Variants in PHYH observed in about 807,000 individuals in gnomAD.
PHYH encodes phytanoyl-CoA 2-hydroxylase.
PHYH carries 32 observed loss-of-function variants against 38.5 expected under a neutral mutation model. That is an observed-to-expected ratio of 0.83 (90% CI 0.63 to 1.12). The LOEUF (loss-of-function observed/expected upper bound fraction) is 1.12. Ranked by LOEUF, PHYH falls within the 50% of genes most tolerant of loss-of-function variation. The pLI is 0.00. For missense variants in PHYH, 426 were observed against 434.8 expected (o/e 0.98, Z 0.18); for synonymous variants, 166 against 157.9 (o/e 1.05, Z -0.38).
chr10:13,287,193 G>C (rs1835573318), intron 6 of PHYH, among the ~76,000 whole-genome samples: 1 of 151,918 alleles, frequency 6.6e-6, no homozygotes, highest in Non-Finnish European at 1.5e-5. Flanking sequence ...ACAAAAATTA[G>C]CTGGGTGTGG....
chr10:13,279,519 T>C (rs952035568), intron 8 of PHYH, among the ~76,000 whole-genome samples: 1 of 152,216 alleles, frequency 6.6e-6, no homozygotes, highest in Admixed American at 6.5e-5. Flanking sequence ...TTGACCTGAC[T>C]CTAAAATCAA....
Position 13,298,718 on chromosome 10 carries a change from C to CACTACTACTACTACTACTACTACTACT in PHYH, c.76-500_76-474dup, listed in dbSNP as rs56043624. 1.4e-4 allele frequency among the ~76,000 whole-genome samples: 13 copies of CACTACTACTACTACTACTACTACTACT among 93,438 alleles called. 1 individual carries two copies. Among genetic ancestry groups the CACTACTACTACTACTACTACTACTACT allele is most frequent in the African/African-American group, 4.2e-4 (11 of 26,178 alleles). The allele number at this position is 93,438 out of a possible 152,430, so 61.3% of individuals were successfully genotyped here. ...TCCATCTCAGAAAAAAAACTACCAC[C>CACTACTACTACTACTACTACTACTACT]ACTACTACTACTACTACTACTACTA... On this transcript the variant is annotated intron_variant, in intron 1 of 8. Transcript: ENST00000263038.
rs367805505 is a variant in PHYH, at chr10:13,278,259, G to C, written c.*42C>G. On this transcript the variant is annotated 3_prime_UTR_variant, in exon 9 of 9. Coordinates refer to ENST00000263038, the MANE Select transcript of PHYH (RefSeq NM_006214.4). The stretch of plus-strand genomic sequence containing the variant: ...AACATTTTCCTTAGACATTTCGTTT[G>C]GTTTTGGTTTTCTGTTGAAAGAGTT... 66 of 1,314,962 alleles carry C rather than the reference G, an allele frequency of 5.0e-5. No individual in the cohort carries two copies. In the African/African-American group the frequency reaches 9.2e-4, roughly 18 times the overall value. The allele number at this position is 1,314,962 out of a possible 1,614,324, so 81.5% of individuals were successfully genotyped here.
In PHYH at chr10:13,283,690, C is replaced by A. The variant is rs1462384559; in HGVS notation, c.828G>T (p.Lys276Asn). The A allele has an allele frequency of 6.2e-7, 1 of 1,613,936 alleles. No individual in the cohort carries two copies. The highest frequency in any genetic ancestry group is 8.5e-7 in the Non-Finnish European group (1 of 1,179,986). ...SGQNKTQGFRKAISCHFASAD... is the reference protein window; with the variant it reads ...SGQNKTQGFRNAISCHFASAD... Reference sequence around the variant, plus strand: ...CAGGTGCAGCAATGTGAATGCTTACCTTCCGGAATCCCTGGGTTTTATTCT... The same window carrying A: ...CAGGTGCAGCAATGTGAATGCTTACATTCCGGAATCCCTGGGTTTTATTCT... Residue 276 changes from lysine (K) to asparagine (N), a missense_variant and splice_region_variant, in exon 7 of 9, where the codon AAG (lysine) becomes AAT (asparagine). Coordinates refer to ENST00000263038, the MANE Select transcript of PHYH (RefSeq NM_006214.4).
In PHYH at chr10:13,278,322, T is replaced by C. The variant is rs1199120932; in HGVS notation, c.996A>G (p.Lys332=). 1 of 1,612,720 alleles carries C rather than the reference T, an allele frequency of 6.2e-7. No homozygotes were observed. Among genetic ancestry groups the C allele is most frequent in the Non-Finnish European group, 8.5e-7 (1 of 1,178,880 alleles). The part of the protein sequence containing the change: ...DIWMFRARLV[K]GERTNL ...TATTTCAAAGATTGGTTCTTTCTCC[T>C]TTCACAAGTCGAGCTCGAAACATCC... Residue 332 remains lysine (K), a synonymous_variant, in exon 9 of 9, where the codon AAA becomes AAG. Coordinates refer to ENST00000263038, the MANE Select transcript of PHYH (RefSeq NM_006214.4).
At chr10:13,289,557 T>A (rs1350115122) in intron 5 of PHYH, among the ~76,000 whole-genome samples, 2 of 152,122 alleles carry the variant, frequency 1.3e-5, no homozygotes, top group Admixed American at 6.5e-5. Flanking sequence ...TAATGCATGT[T>A]CAAAAACCAG....
intron 1 of PHYH, 120 bp downstream of exon 1, chr10:13,299,848 G>A (rs928512172): frequency 1.5e-6 from 2 of 1,330,438 alleles, no homozygotes; most frequent in Non-Finnish European, 1.9e-6. Flanking sequence ...GGCGCTGAGC[G>A]AGGAGGCGCT....
At chr10:13,283,669 T>G in intron 7 of PHYH, 21 bp downstream of exon 7, 1 of 1,613,082 alleles carries the variant, frequency 6.2e-7, no homozygotes. Flanking sequence ...CTGCAGCAGG[T>G]GCAGCAATGT....
intron 8 of PHYH, 152 bp from the exon 9 acceptor site, chr10:13,278,506 C>A: frequency 3.0e-6 from 2 of 667,034 alleles, no homozygotes; most frequent in Non-Finnish European, 2.7e-6. Flanking sequence ...CATTAGTAAA[C>A]AAAACAACTC....
chr10:13,289,795 G>T (rs994325574), intron 5 of PHYH, among the ~76,000 whole-genome samples: 31 of 151,316 alleles, frequency 2.0e-4, no homozygotes, highest in African/African-American at 7.5e-4. Flanking sequence ...ACTGGGCATG[G>T]TGGTGCACAC....
intron 2 of PHYH, among the ~76,000 whole-genome samples, chr10:13,297,737 C>T (rs563458857): frequency 4.7e-5 from 7 of 150,388 alleles, no homozygotes; most frequent in South Asian, 4.4e-4. Flanking sequence ...GCTGGGATTA[C>T]AGGCATGAGC....
intron 5 of PHYH, 88 bp downstream of exon 5, chr10:13,291,743 T>C (rs1047859748): frequency 1.2e-6 from 1 of 861,514 alleles, no homozygotes; most frequent in Admixed American, 1.9e-5. Context: ...TCTCCTAAAA[T>C]GCTGGGATTA....
At chr10:13,289,761 G>A (rs1035774660) in intron 5 of PHYH, among the ~76,000 whole-genome samples, 4 of 151,288 alleles carry the variant, frequency 2.6e-5, no homozygotes, top group African/African-American at 2.4e-5. Context: ...ATGAAACCTC[G>A]TCTCTACAAA....
At chr10:13,298,461 G>C (rs139422403) in intron 1 of PHYH, among the ~76,000 whole-genome samples, 3 of 151,972 alleles carry the variant, frequency 2.0e-5, no homozygotes, top group African/African-American at 4.8e-5. Flanking sequence ...AGCACTTTGG[G>C]AGGCCGAGGC....
At chr10:13,293,197 C>A (rs982152658) in intron 4 of PHYH, among the ~76,000 whole-genome samples, 2 of 152,234 alleles carry the variant, frequency 1.3e-5, no homozygotes, top group Middle Eastern at 3.4e-3. Context: ...TTTCTAAATG[C>A]CAGCCATTCA....
chr10:13,298,818 G>A (rs1832652851), intron 1 of PHYH, among the ~76,000 whole-genome samples: 1 of 147,574 alleles, frequency 6.8e-6, no homozygotes, highest in Non-Finnish European at 1.5e-5. Flanking sequence ...GGAGGCTGAG[G>A]CAGGGGAATG....
intron 4 of PHYH, 139 bp from the exon 5 acceptor site, chr10:13,292,051 C>T: frequency 1.5e-6 from 1 of 681,014 alleles, no homozygotes; most frequent in Non-Finnish European, 2.6e-6. Context: ...CACAACATTG[C>T]AAACAAAGCA....
At chr10:13,288,578 C>G (rs1236664655) in intron 5 of PHYH, 37 bp from the exon 6 acceptor site, 1 of 1,603,454 alleles carries the variant, frequency 6.2e-7, no homozygotes, top group East Asian at 2.2e-5. Context: ...ATACTCGAGG[C>G]CGAGTGCAGT....
chr10:13,287,940 G>A (rs906536606), intron 6 of PHYH, among the ~76,000 whole-genome samples: 30 of 152,324 alleles, frequency 2.0e-4, no homozygotes, highest in Middle Eastern at 3.4e-3. Flanking sequence ...AGCACTTAGG[G>A]AGGCCGAGGT....
Sources: gnomAD v4.1 joint callset for allele counts (sites outside exome capture counted in the v4.1 genomes callset) on GRCh38, gnomAD v4.1.1 for gene constraint, MANE v1.5 for transcripts, NCBI Gene and HGNC (gene_info 2026-07-23, HGNC 2026-07-21) for gene names.